TNS3: variants seen among roughly 807,000 people sequenced by gnomAD.
TNS3 encodes tensin 3.
TNS3 carries 45 observed loss-of-function variants against 140.9 expected under a neutral mutation model. The ratio of observed to expected loss-of-function variants is 0.32; its 90% CI spans 0.25 to 0.41. The LOEUF (loss-of-function observed/expected upper bound fraction) is 0.41. TNS3 is among the 10% of genes least tolerant of loss of function. TNS3 has a pLI of 1.00. For missense variants in TNS3, 1,716 were observed against 1,906.7 expected, an observed-to-expected ratio of 0.90 and a Z score of 1.86; for synonymous variants, 815 against 788.4, an observed-to-expected ratio of 1.03 and a Z score of -0.56.
At chr7:47,474,973 TACAC>T (rs1043284691) in intron 4 of TNS3, among the ~76,000 whole-genome samples, 4 of 131,764 alleles carry the variant, frequency 3.0e-5, no homozygotes, top group African/African-American at 1.2e-4. Flanking sequence ...CACAAAACAC[TACAC>T]ACACTGCAAC....
intron 1 of TNS3, among the ~76,000 whole-genome samples, chr7:47,530,571 C>A (rs1799354799): frequency 6.6e-6 from 1 of 151,624 alleles, no homozygotes; most frequent in South Asian, 2.1e-4. Flanking sequence ...CACCTGTAAT[C>A]CGAGCACTTT....
intron 13 of TNS3, among the ~76,000 whole-genome samples, chr7:47,409,858 C>T (rs1433551024): frequency 2.6e-5 from 4 of 152,076 alleles, no homozygotes; most frequent in African/African-American, 9.7e-5. Context: ...GGGGTTTCAC[C>T]GTGTCAGCCA....
intron 16 of TNS3, among the ~76,000 whole-genome samples, chr7:47,380,229 C>A (rs1024883599): frequency 1.3e-5 from 2 of 152,252 alleles, no homozygotes; most frequent in Non-Finnish European, 2.9e-5. Flanking sequence ...GCTCCCCGGG[C>A]AGACCTCTCA....
intron 1 of TNS3, among the ~76,000 whole-genome samples, chr7:47,535,358 A>G (rs186123440): frequency 4.9e-4 from 74 of 152,350 alleles, no homozygotes; most frequent in African/African-American, 1.7e-3. Context: ...GGGAAACAGC[A>G]TAAGCACTGT....
At chr7:47,305,218 G>GT (rs989382851) in intron 20 of TNS3, among the ~76,000 whole-genome samples, 18 of 152,196 alleles carry the variant, frequency 1.2e-4, no homozygotes, top group African/African-American at 4.3e-4. Flanking sequence ...ACCCATCACT[G>GT]TTTCCAAAAA....
intron 1 of TNS3, among the ~76,000 whole-genome samples, chr7:47,567,714 C>CACTTGGGT (rs538190200): frequency 8.7e-4 from 129 of 147,744 alleles, no homozygotes; most frequent in Non-Finnish European, 1.7e-3. Flanking sequence ...AGAAGTGAGA[C>CACTTGGGT]ACTTGGGTGT....
chr7:47,456,758 C>T (rs1426293055), intron 4 of TNS3, among the ~76,000 whole-genome samples: 2 of 152,068 alleles, frequency 1.3e-5, no homozygotes, highest in East Asian at 3.9e-4. Context: ...ACGAGACATT[C>T]GCTGCCCCAC....
At chr7:47,404,394 T>A (rs1443766197) in intron 13 of TNS3, among the ~76,000 whole-genome samples, 1 of 152,216 alleles carries the variant, frequency 6.6e-6, no homozygotes, top group Non-Finnish European at 1.5e-5. Context: ...CATTATCCAA[T>A]AATGATATGC....
chr7:47,374,704 T>C (rs189286048), intron 16 of TNS3, among the ~76,000 whole-genome samples: 60 of 152,338 alleles, frequency 3.9e-4, no homozygotes, highest in African/African-American at 1.4e-3. Flanking sequence ...CGCTGATCCA[T>C]CATTAAAGAA....
intron 26 of TNS3, 102 bp downstream of exon 26, chr7:47,292,726 G>T: frequency 9.3e-7 from 1 of 1,077,664 alleles, no homozygotes. Flanking sequence ...AAAACTTCCA[G>T]TCTTATTATT....
At chr7:47,413,778 C>T (rs906740274) in intron 12 of TNS3, among the ~76,000 whole-genome samples, 159 bp downstream of exon 12, 9 of 151,880 alleles carry the variant, frequency 5.9e-5, no homozygotes, top group African/African-American at 1.9e-4. Flanking sequence ...GCACGGGCCA[C>T]GAGAGGATTT....
At position 47,411,774 on chromosome 7, in the gene TNS3, T is replaced by C; in HGVS notation, c.676A>G (p.Ile226Val). ...YNVGPENPSR[I>V]CIVIEPAQLL... Reference sequence around the variant, plus strand: ...TGGGCCGGCTCGATGACGATGCAGATCCTGCTGGGGTTTTCTGGGCCAACG... The same window carrying C: ...TGGGCCGGCTCGATGACGATGCAGACCCTGCTGGGGTTTTCTGGGCCAACG... The change falls in exon 13 of 31, where the codon ATC becomes GTC. Residue 226 changes from isoleucine (I) to valine (V), a missense_variant. Transcript: ENST00000311160. The C allele has an allele frequency of 1.2e-6, 2 of 1,613,536 alleles. No homozygotes were observed. The highest frequency in any genetic ancestry group is 1.6e-4 in the Middle Eastern group (1 of 6,062).
chr7:47,397,548 C>T (rs377634473), intron 15 of TNS3, among the ~76,000 whole-genome samples: 137 of 152,252 alleles, frequency 9.0e-4, no homozygotes, highest in African/African-American at 3.2e-3. Context: ...TTGCAGCCTA[C>T]TATACTTCTA....
rs962785222 is a variant in TNS3, at chr7:47,388,910, G to GGAGAGA, written c.1024+7889_1024+7890insTCTCTC. 2.3e-4 allele frequency among the ~76,000 whole-genome samples: 34 copies of GGAGAGA among 150,094 alleles called. 4 individuals carry two copies. Among genetic ancestry groups the GGAGAGA allele is most frequent in the Admixed American group, 1.8e-3 (27 of 14,998 alleles). ...AAAAGAAGAAGAAAGAAGAAGAAGG[G>GGAGAGA]GAGAGGGAGAGGGAGGAGAAGAGAA... is the stretch of plus-strand genomic sequence containing the variant. On this transcript the variant is annotated intron_variant, in intron 16 of 30. Transcript: ENST00000311160.
At chr7:47,568,047 C>T (rs1026003944) in intron 1 of TNS3, among the ~76,000 whole-genome samples, 3 of 152,192 alleles carry the variant, frequency 2.0e-5, no homozygotes, top group Non-Finnish European at 4.4e-5. Flanking sequence ...ACAGGCACCC[C>T]GGCAAAACTC....
intron 10 of TNS3, among the ~76,000 whole-genome samples, chr7:47,418,581 T>G (rs1794207598): frequency 6.6e-6 from 1 of 152,240 alleles, no homozygotes; most frequent in African/African-American, 2.4e-5. Flanking sequence ...AGCTCCATTA[T>G]TTTCCCATTG....
chr7:47,377,732 T>TCCTCCTCCCTTTCCTCCTCCTC, intron 16 of TNS3, among the ~76,000 whole-genome samples: 1 of 146,768 alleles, frequency 6.8e-6, no homozygotes, highest in South Asian at 2.3e-4. Flanking sequence ...TCCTCCTCCT[T>TCCTCCTCCCTTTCCTCCTCCTC]CTCCTCCTCC....
chr7:47,302,131 A>T (rs899371287), intron 23 of TNS3, 55 bp downstream of exon 23: 2 of 1,448,752 alleles, frequency 1.4e-6, no homozygotes, highest in Admixed American at 1.7e-5. Context: ...CACACAAGGC[A>T]GCGAAGCGGG....
intron 12 of TNS3, 71 bp downstream of exon 12, chr7:47,413,866 C>A: frequency 6.3e-7 from 1 of 1,581,994 alleles, no homozygotes; most frequent in Non-Finnish European, 8.6e-7. Flanking sequence ...GGACAGGCAG[C>A]TGAGGGTCAG....
Sources: allele counts gnomAD v4.1 joint callset (sites outside exome capture counted in the v4.1 genomes callset), GRCh38; gene constraint gnomAD v4.1.1; transcripts MANE v1.5; gene names NCBI Gene and HGNC (gene_info 2026-07-23, HGNC 2026-07-21).